The following DNAJC1 variants were observed in gnomAD, a reference collection of about 807,000 sequenced individuals.
The protein encoded by DNAJC1 is dnaJ homolog subfamily C member 1.
A neutral mutation model predicts 76.6 loss-of-function variants in DNAJC1; 58 were observed. That is an observed-to-expected ratio of 0.76 (90% confidence interval 0.61 to 0.94). The LOEUF (loss-of-function observed/expected upper bound fraction) is 0.94, where lower values mean the gene tolerates loss of function less well. DNAJC1 is among the 40% of genes least tolerant of loss of function. The pLI is 0.00. For missense variants in DNAJC1, 689 were observed against 677.3 expected (o/e 1.02, Z -0.19); for synonymous variants, 258 against 267.9 (o/e 0.96, Z 0.36).
chr10:21,803,589 C>CTGTGTGTGTG (rs113615504), intron 9 of DNAJC1, among the ~76,000 whole-genome samples: 95 of 140,726 alleles, frequency 6.8e-4, no homozygotes, highest in African/African-American at 2.1e-3. Context: ...GAGTGATTTT[C>CTGTGTGTGTG]TGTGTGTGTG....
intron 8 of DNAJC1, among the ~76,000 whole-genome samples, chr10:21,848,829 A>T (rs911988107): frequency 1.3e-5 from 2 of 152,246 alleles, no homozygotes; most frequent in Middle Eastern, 3.2e-3. Context: ...GCAACAGAAG[A>T]AAAACGAGAA....
intron 1 of DNAJC1, among the ~76,000 whole-genome samples, chr10:21,959,253 T>C (rs1837745195): frequency 6.6e-6 from 1 of 151,868 alleles, no homozygotes; most frequent in South Asian, 2.1e-4. Context: ...GCCTCCTGAG[T>C]AGCTGGGATT....
At chr10:21,962,382 G>C (rs1837809500) in intron 1 of DNAJC1, among the ~76,000 whole-genome samples, 1 of 147,136 alleles carries the variant, frequency 6.8e-6, no homozygotes, top group African/African-American at 2.5e-5. Flanking sequence ...CAAAATTGGA[G>C]ATGGCTCTAT....
chr10:21,840,461 G>C (rs1250955020), intron 8 of DNAJC1, among the ~76,000 whole-genome samples: 3 of 152,062 alleles, frequency 2.0e-5, no homozygotes, highest in African/African-American at 7.2e-5. Context: ...ACCAATAACA[G>C]ACAAACACAG....
At chr10:21,946,724 T>C (rs1441648890) in intron 1 of DNAJC1, among the ~76,000 whole-genome samples, 1 of 152,192 alleles carries the variant, frequency 6.6e-6, no homozygotes, top group Non-Finnish European at 1.5e-5. Context: ...ACGATGTTCA[T>C]AGAAACTTTG....
At chr10:21,774,289 A>G (rs1834427013) in intron 9 of DNAJC1, among the ~76,000 whole-genome samples, 3 of 152,212 alleles carry the variant, frequency 2.0e-5, no homozygotes, top group Admixed American at 2.0e-4. Context: ...GCCTGGATCC[A>G]TAAGTTGTGA....
At chr10:21,908,693 A>T (rs1286103951) in intron 6 of DNAJC1, among the ~76,000 whole-genome samples, 2 of 152,004 alleles carry the variant, frequency 1.3e-5, no homozygotes, top group African/African-American at 4.8e-5. Flanking sequence ...ATATTTAATG[A>T]ATAATTAAAT....
At chr10:21,818,890 A>C (rs1189331250) in intron 8 of DNAJC1, among the ~76,000 whole-genome samples, 1 of 152,230 alleles carries the variant, frequency 6.6e-6, no homozygotes, top group Non-Finnish European at 1.5e-5. Flanking sequence ...GGTAGAAAAA[A>C]GTCTTACATA....
intron 1 of DNAJC1, among the ~76,000 whole-genome samples, chr10:21,989,734 G>T (rs1237310856): frequency 6.6e-6 from 1 of 152,184 alleles, no homozygotes; most frequent in Non-Finnish European, 1.5e-5. Flanking sequence ...GGACCTGCAG[G>T]CTTGGTATCT....
intron 8 of DNAJC1, among the ~76,000 whole-genome samples, chr10:21,819,845 G>A (rs1481989920): frequency 7.9e-5 from 12 of 151,548 alleles, no homozygotes; most frequent in African/African-American, 2.9e-4. Flanking sequence ...CAAGAGAATC[G>A]CTTGAGCCCA....
At chr10:21,775,843 C>G (rs1256067650) in intron 9 of DNAJC1, among the ~76,000 whole-genome samples, 3 of 152,054 alleles carry the variant, frequency 2.0e-5, no homozygotes, top group Non-Finnish European at 4.4e-5. Flanking sequence ...TCTTTGGTAT[C>G]TGAGGAACTA....
In DNAJC1 at chr10:21,756,771, A is replaced by T. The variant is rs780471733; in HGVS notation, c.1597-16T>A. On this transcript the variant is annotated splice_polypyrimidine_tract_variant and intron_variant, in intron 11 of 11. Coordinates refer to ENST00000376980, the MANE Select transcript of DNAJC1 (RefSeq NM_022365.4). ...TACAGTCTTCCTGTAGGAAGAAAAA[A>T]AGAGAGGTGAGAACAGTCACTTGCA... is the stretch of plus-strand genomic sequence containing the variant. The T allele has an allele frequency of 5.6e-6, 9 of 1,611,348 alleles. No individual in the cohort carries two copies. The highest frequency in any genetic ancestry group is 6.8e-6 in the Non-Finnish European group (8 of 1,179,724).
chr10:21,851,879 C>T (rs1162629770), intron 8 of DNAJC1, among the ~76,000 whole-genome samples: 1 of 151,682 alleles, frequency 6.6e-6, no homozygotes, highest in Non-Finnish European at 1.5e-5. Flanking sequence ...ACAGTGAAAC[C>T]CCATCTCTAC....
chr10:21,902,095 C>A (rs908702802), intron 7 of DNAJC1, among the ~76,000 whole-genome samples: 18 of 152,076 alleles, frequency 1.2e-4, no homozygotes, highest in African/African-American at 4.3e-4. Context: ...TCTAAATATA[C>A]CACTGATAAA....
chr10:21,908,801 C>G (rs1345230519), intron 6 of DNAJC1, among the ~76,000 whole-genome samples: 1 of 152,030 alleles, frequency 6.6e-6, no homozygotes, highest in Non-Finnish European at 1.5e-5. Context: ...AACTCCTATT[C>G]TCAAGGAGTT....
At chr10:21,816,403 C>T (rs2131652732) in intron 8 of DNAJC1, among the ~76,000 whole-genome samples, 1 of 151,724 alleles carries the variant, frequency 6.6e-6, no homozygotes, top group East Asian at 2.0e-4. Flanking sequence ...TGCCTTGACA[C>T]TACTGTCAAA....
intron 1 of DNAJC1, among the ~76,000 whole-genome samples, chr10:21,980,020 C>T (rs1199528123): frequency 6.6e-6 from 1 of 151,844 alleles, no homozygotes; most frequent in Non-Finnish European, 1.5e-5. Context: ...CTTATTTTTC[C>T]AGAATCAAAA....
intron 3 of DNAJC1, among the ~76,000 whole-genome samples, chr10:21,924,925 A>G (rs771693430): frequency 7.9e-5 from 12 of 152,200 alleles, no homozygotes; most frequent in Non-Finnish European, 1.6e-4. Flanking sequence ...TGTCTATCTA[A>G]ACTTAGAAAA....
chr10:21,928,755 G>C (rs1315784204), intron 2 of DNAJC1, among the ~76,000 whole-genome samples: 1 of 151,978 alleles, frequency 6.6e-6, no homozygotes, highest in South Asian at 2.1e-4. Flanking sequence ...ATAAATCTTT[G>C]TGACAGTTAC....
Sources: gnomAD v4.1 joint callset for allele counts (sites outside exome capture counted in the v4.1 genomes callset) on GRCh38, gnomAD v4.1.1 for gene constraint, MANE v1.5 for transcripts, NCBI Gene and HGNC (gene_info 2026-07-23, HGNC 2026-07-21) for gene names.